Variants in SLC25A3 observed in about 807,000 individuals in gnomAD.
SLC25A3 encodes phosphate transport protein.
Under a neutral mutation model 37.1 loss-of-function variants are expected in SLC25A3, and 14 were observed. The ratio of observed to expected loss-of-function variants is 0.38; its 90% CI spans 0.25 to 0.59. The LOEUF (loss-of-function observed/expected upper bound fraction) is 0.59, where lower values mean the gene tolerates loss of function less well. SLC25A3 is among the 20% of genes least tolerant of loss of function. SLC25A3 has a pLI of 0.67. For synonymous variants in SLC25A3, 161 were observed against 168.7 expected (o/e 0.95, Z 0.36); for missense variants, 385 against 458.1 (o/e 0.84, Z 1.46).
chr12:98,598,054 A>C lies in SLC25A3; in HGVS notation c.459+19A>C. The C allele has an allele frequency of 6.2e-7, 1 of 1,610,596 alleles. No homozygotes were observed. ...TGGAGAGGTATGTAATTAACTTTAA[A>C]ATTGAATGTTCCGAGTGTTTAAGAC... On this transcript the variant is annotated intron_variant, in intron 4 of 7. Transcript: ENST00000552981.
chr12:98,594,415 C>T (rs2097591233), intron 2 of SLC25A3: 1 of 694,366 alleles, frequency 1.4e-6, no homozygotes, highest in Middle Eastern at 3.3e-4. Context: ...TCTTTCTCCG[C>T]CGTGAGCTCG....
At position 98,594,098 on chromosome 12, in the gene SLC25A3, C is replaced by T. The variant is rs2153282278; in HGVS notation, c.120C>T (p.Pro40=). The change falls in exon 2 of 8, where the codon CCC becomes CCT. Residue 40 remains proline (P), a synonymous_variant. Coordinates refer to ENST00000552981, the MANE Select transcript of SLC25A3 (RefSeq NM_002635.4). Reference sequence around the variant, plus strand: ...GCTCCCCAGGGCCCACGGGCCAGCCCCGCCGCCCTCGCAACCTGGCAGCCG... The same window carrying T: ...GCTCCCCAGGGCCCACGGGCCAGCCTCGCCGCCCTCGCAACCTGGCAGCCG... ...RSSSPGPTGQ[P]RRPRNLAAAA... The T allele has an allele frequency of 1.9e-6, 3 of 1,611,888 alleles. No homozygotes were observed. The highest frequency in any genetic ancestry group is 1.7e-6 in the Non-Finnish European group (2 of 1,179,316).
rs886216822 is a variant in SLC25A3 at position 98,603,054 on chromosome 12, G to C, written c.*1526G>C. ...ACAAATTTGGACCAAACTTTAAAAA[G>C]GTAAAGTAGGATGTCTTCTGAACCC... On this transcript the variant is annotated 3_prime_UTR_variant, in exon 8 of 8. Coordinates refer to ENST00000552981, the MANE Select transcript of SLC25A3 (RefSeq NM_002635.4). 2.0e-5 allele frequency: 3 copies of C among 152,198 alleles called. No homozygotes were observed. Among genetic ancestry groups the C allele is most frequent in the African/African-American group, 7.2e-5 (3 of 41,454 alleles). 9.4% of individuals were successfully genotyped at this position (152,198 alleles called of 1,614,324 possible).
Position 98,601,566 on chromosome 12 carries a change from A to T in SLC25A3, c.*38A>T. 1 of 1,354,560 alleles carries T rather than the reference A, an allele frequency of 7.4e-7. No individual in the cohort carries two copies. The highest frequency in any genetic ancestry group is 1.1e-6 in the Non-Finnish European group (1 of 943,362). 83.9% of individuals were successfully genotyped at this position (1,354,560 alleles called of 1,614,324 possible). ...AAATGTGGACTGAATCTGCTTGTTG[A>T]TCAGTGTTGAAGAAAGTGCAAAAGG... is the stretch of plus-strand genomic sequence containing the variant. On this transcript the variant is annotated 3_prime_UTR_variant, in exon 8 of 8. Transcript: ENST00000552981.
chr12:98,599,203 A>C (rs2153286428), intron 5 of SLC25A3, among the ~76,000 whole-genome samples: 1 of 152,156 alleles, frequency 6.6e-6, no homozygotes, highest in African/African-American at 2.4e-5. Flanking sequence ...CTGGGATTAC[A>C]GGCATGCACC....
intron 2 of SLC25A3, chr12:98,595,236 A>G (rs924916192): frequency 1.7e-6 from 1 of 597,734 alleles, no homozygotes; most frequent in Middle Eastern, 4.5e-4. Context: ...AGCTATTAAT[A>G]GTATCAGATA....
In SLC25A3 at chr12:98,602,844, G is replaced by C. The variant is rs950452239; in HGVS notation, c.*1316G>C. 1 of 152,210 alleles carries C rather than the reference G, an allele frequency of 6.6e-6. No homozygotes were observed. Among genetic ancestry groups the C allele is most frequent in the African/African-American group, 2.4e-5 (1 of 41,458 alleles). The allele number at this position is 152,210 out of a possible 1,614,324, so 9.4% of individuals were successfully genotyped here. On this transcript the variant is annotated 3_prime_UTR_variant, in exon 8 of 8. Coordinates refer to ENST00000552981, the MANE Select transcript of SLC25A3 (RefSeq NM_002635.4). ...CTACGTAAAGCGTACAGATGGCCTG[G>C]AGAGAAAAACTTTTTCAGAGATTGG...
chr12:98,594,479 C>A, intron 2 of SLC25A3: 1 of 640,614 alleles, frequency 1.6e-6, no homozygotes, highest in African/African-American at 1.8e-5. Context: ...CTACTGACCA[C>A]CCACAGTTCT....
intron 1 of SLC25A3, 29 bp from the exon 2 acceptor site, chr12:98,593,946 C>A: frequency 6.2e-7 from 1 of 1,613,574 alleles, no homozygotes; most frequent in South Asian, 1.1e-5. Flanking sequence ...CCTTGCCTGT[C>A]CTCTAACCGT....
Position 98,593,978 on chromosome 12 carries a change from G to C in SLC25A3, c.-1G>C. On this transcript the variant is annotated 5_prime_UTR_variant, in exon 2 of 8. Coordinates refer to ENST00000552981, the MANE Select transcript of SLC25A3 (RefSeq NM_002635.4). ...CCGTCGCTCCCTCCTCCCCTAGAAA[G>C]ATGTTCTCGTCCGTGGCGCACCTGG... The C allele has an allele frequency of 6.2e-7, 1 of 1,613,954 alleles. No homozygotes were observed. The highest frequency in any genetic ancestry group is 8.5e-7 in the Non-Finnish European group (1 of 1,179,910).
In SLC25A3 at chr12:98,602,862, G is replaced by C. The variant is rs989282195; in HGVS notation, c.*1334G>C. The C allele has an allele frequency of 1.3e-5, 2 of 152,232 alleles. No homozygotes were observed. The highest frequency in any genetic ancestry group is 1.5e-5 in the Non-Finnish European group (1 of 68,054). 9.4% of individuals were successfully genotyped at this position (152,232 alleles called of 1,614,324 possible). A position where few individuals can be genotyped will look rare whatever the true frequency, so the allele number is the denominator to read the frequency against. ...TGGCCTGGAGAGAAAAACTTTTTCA[G>C]AGATTGGAGAGAAATGTTACTACAA... is the stretch of plus-strand genomic sequence containing the variant. On this transcript the variant is annotated 3_prime_UTR_variant, in exon 8 of 8. Transcript: ENST00000552981.
At chr12:98,595,550 G>T in intron 2 of SLC25A3, 177 bp from the exon 3 acceptor site, 2 of 1,614,150 alleles carry the variant, frequency 1.2e-6, no homozygotes, top group South Asian at 1.1e-5. Flanking sequence ...GTTAAATGCA[G>T]AATGCAGGTT....
At chr12:98,593,899 G>A in intron 1 of SLC25A3, 76 bp from the exon 2 acceptor site, 1 of 1,564,392 alleles carries the variant, frequency 6.4e-7, no homozygotes, top group Non-Finnish European at 8.8e-7. Flanking sequence ...AAAAGGCCCC[G>A]GTTGGGGTTC....
intron 2 of SLC25A3, chr12:98,595,116 T>G (rs1443625350): frequency 6.0e-6 from 2 of 333,542 alleles, no homozygotes; most frequent in Non-Finnish European, 1.1e-5. Flanking sequence ...TGAGTTTCGT[T>G]TGTACTCTGA....
rs143764027 is a variant in SLC25A3, at chr12:98,600,760, A to G, written c.815-411A>G. ...CACCATGTTGATGAGTCTGGTCTCA[A>G]ACTCCTGACCTCAGGTGATGTGCCT... On this transcript the variant is annotated intron_variant, in intron 6 of 7. Coordinates refer to ENST00000552981, the MANE Select transcript of SLC25A3 (RefSeq NM_002635.4). Among the ~76,000 whole-genome samples, 458 of 152,276 alleles carry G rather than the reference A, an allele frequency of 3.0e-3. 3 individuals are homozygous for G. Among genetic ancestry groups the G allele is most frequent in the African/African-American group, 0.01 (432 of 41,560 alleles).
At chr12:98,600,410 T>G (rs1278588658) in intron 6 of SLC25A3, among the ~76,000 whole-genome samples, 1 of 151,582 alleles carries the variant, frequency 6.6e-6, no homozygotes, top group East Asian at 1.9e-4. Context: ...GATTTTTGTT[T>G]TTGTTTTTTG....
At chr12:98,598,303 G>T in intron 4 of SLC25A3, 1 of 758,192 alleles carries the variant, frequency 1.3e-6, no homozygotes, top group Non-Finnish European at 2.1e-6. Context: ...ACTCCTTTGC[G>T]TAGTTCCGGG....
In SLC25A3 at chr12:98,601,285, G is replaced by A. The variant is rs201617025; in HGVS notation, c.925+4G>A. The stretch of plus-strand genomic sequence containing the variant: ...CTCAAGAGACTTGGATTTAAAGGTA[G>A]GATGATGTTTTTTTCTTGAAAGAAA... On this transcript the variant is annotated splice_donor_region_variant and intron_variant, in intron 7 of 7. Coordinates refer to ENST00000552981, the MANE Select transcript of SLC25A3 (RefSeq NM_002635.4). 3.2e-4 allele frequency: 516 copies of A among 1,614,040 alleles called. 2 individuals carry two copies. In the African/African-American group the frequency reaches 5.7e-3, roughly 18 times the overall value.
At chr12:98,600,326 C>T (rs746605652) in intron 6 of SLC25A3, among the ~76,000 whole-genome samples, 199 bp downstream of exon 6, 6 of 152,176 alleles carry the variant, frequency 3.9e-5, no homozygotes, top group Non-Finnish European at 7.3e-5. Flanking sequence ...CAACCTCCTC[C>T]TCCTGGGTTC....
Sources: gnomAD v4.1 joint callset for allele counts (sites outside exome capture counted in the v4.1 genomes callset) on GRCh38, gnomAD v4.1.1 for gene constraint, MANE v1.5 for transcripts, NCBI Gene and HGNC (gene_info 2026-07-23, HGNC 2026-07-21) for gene names.